Variants in ANK3 observed in about 807,000 individuals in gnomAD.
ANK3 encodes the protein ankyrin-3.
A neutral mutation model predicts 370.9 loss-of-function variants in ANK3; 57 were observed. The ratio of observed to expected loss-of-function variants is 0.15; its 90% CI spans 0.12 to 0.19. The LOEUF (loss-of-function observed/expected upper bound fraction) is 0.19. Among genes scored for constraint, ANK3 ranks in the 10% least tolerant of loss-of-function variants. The probability of loss-of-function intolerance (pLI) is 1.00; values close to 1 mark genes in which losing one functional copy is unlikely to be tolerated. For synonymous variants in ANK3, 1,929 were observed against 1,946.3 expected, an observed-to-expected ratio of 0.99 and a Z score of 0.23; for missense variants, 4,439 against 5,302.1, an observed-to-expected ratio of 0.84 and a Z score of 5.06.
At chr10:60,335,027 T>C (rs916596220) in intron 1 of ANK3, among the ~76,000 whole-genome samples, 1 of 152,156 alleles carries the variant, frequency 6.6e-6, no homozygotes, top group Admixed American at 6.6e-5. Context: ...AGGAGACACT[T>C]GACACTGGGG....
chr10:60,108,697 G>A, intron 27 of ANK3, 133 bp downstream of exon 27: 1 of 727,238 alleles, frequency 1.4e-6, no homozygotes, highest in Admixed American at 2.7e-5. Context: ...TGTGACCTTT[G>A]ACACTTTACA....
chr10:60,374,630 GA>G (rs2060526033), intron 1 of ANK3, among the ~76,000 whole-genome samples: 1 of 152,062 alleles, frequency 6.6e-6, no homozygotes, highest in Non-Finnish European at 1.5e-5. Flanking sequence ...GGAGGACCTG[GA>G]ATATCATGTT....
chr10:60,188,024 T>G (rs538097207), intron 16 of ANK3, among the ~76,000 whole-genome samples: 40 of 152,330 alleles, frequency 2.6e-4, no homozygotes, highest in Admixed American at 1.6e-3. Flanking sequence ...GGCACTCTTT[T>G]GTTTATTTAT....
At chr10:60,227,116 T>G (rs183472367) in intron 8 of ANK3, among the ~76,000 whole-genome samples, 4 of 152,062 alleles carry the variant, frequency 2.6e-5, no homozygotes, top group African/African-American at 4.8e-5. Context: ...CAGCTTTCGC[T>G]TGTATGAAAC....
intron 1 of ANK3, among the ~76,000 whole-genome samples, chr10:60,642,381 C>A (rs975339754): frequency 6.6e-6 from 1 of 151,790 alleles, no homozygotes; most frequent in African/African-American, 2.4e-5. Context: ...TGGAACCAAC[C>A]CAAATGTCCA....
rs750711683 is a variant in ANK3 at position 60,139,044 on chromosome 10, T to A, written c.2658A>T (p.Pro886=). The A allele has an allele frequency of 1.9e-6, 3 of 1,613,844 alleles. No individual in the cohort carries two copies. Among genetic ancestry groups the A allele is most frequent in the Non-Finnish European group, 2.5e-6 (3 of 1,179,814 alleles). The change falls in exon 24 of 44, where the codon CCA becomes CCT. Residue 886 remains proline (P), a synonymous_variant. Coordinates refer to ENST00000280772, the MANE Select transcript of ANK3 (RefSeq NM_020987.5). ...CATCACCCAATTCCTTAAGGTCCTG[T>A]GGCCCAAGATATTTGTCTGTGTCCC... ...MTGDTDKYLG[P]QDLKELGDDS...
intron 1 of ANK3, among the ~76,000 whole-genome samples, chr10:60,287,962 T>C (rs983611945): frequency 6.6e-6 from 1 of 152,176 alleles, no homozygotes; most frequent in African/African-American, 2.4e-5. Flanking sequence ...AACCATAATA[T>C]CCAATCCACT....
chr10:60,417,994 A>G (rs779508014), intron 2 of ANK3, among the ~76,000 whole-genome samples: 2 of 151,830 alleles, frequency 1.3e-5, no homozygotes, highest in African/African-American at 2.4e-5. Flanking sequence ...ACCACCTACT[A>G]TTTGTGAGAT....
At chr10:60,461,735 C>T (rs1017387057) in intron 2 of ANK3, among the ~76,000 whole-genome samples, 5 of 152,052 alleles carry the variant, frequency 3.3e-5, no homozygotes, top group African/African-American at 9.7e-5. Context: ...GAAATGACTC[C>T]CCTGCAAACT....
chr10:60,114,381 T>C (rs758099678), intron 25 of ANK3, 50 bp from the exon 26 acceptor site: 1 of 990,530 alleles, frequency 1.0e-6, no homozygotes, highest in Non-Finnish European at 1.6e-6. Context: ...CATACAAGAC[T>C]GATTTCTCTA....
intron 23 of ANK3, among the ~76,000 whole-genome samples, chr10:60,155,108 T>C (rs998396699): frequency 6.6e-6 from 1 of 152,034 alleles, no homozygotes; most frequent in Non-Finnish European, 1.5e-5. Context: ...ACTTCCATAA[T>C]AACAAAAAAA....
intron 43 of ANK3, among the ~76,000 whole-genome samples, chr10:60,031,867 G>A (rs2073660235): frequency 6.6e-6 from 1 of 152,058 alleles, no homozygotes; most frequent in Non-Finnish European, 1.5e-5. Context: ...ACTAATGCTT[G>A]GAGCCAAGAA....
intron 28 of ANK3, among the ~76,000 whole-genome samples, chr10:60,094,016 C>T (rs894914788): frequency 6.6e-6 from 1 of 151,860 alleles, no homozygotes; most frequent in African/African-American, 2.4e-5. Context: ...GAAGATAAGC[C>T]CCAACTCAAA....
intron 1 of ANK3, among the ~76,000 whole-genome samples, chr10:60,626,630 T>C (rs570562117): frequency 6.6e-6 from 1 of 152,298 alleles, no homozygotes; most frequent in East Asian, 1.9e-4. Context: ...AAGCCCTGGA[T>C]AGGTCTATTG....
In ANK3 at chr10:60,066,298, T is replaced by C. The variant is rs540088791; in HGVS notation, c.12319+1637A>G. 4.6e-5 allele frequency among the ~76,000 whole-genome samples: 7 copies of C among 152,260 alleles called. No homozygotes were observed. The South Asian group carries it at 1.4e-3, about 32-fold the overall frequency. ...GCTATTAAGCCACATCTCCAAAAAT[T>C]TACTCTGACTGTATTTGCTTAAGGA... On this transcript the variant is annotated intron_variant, in intron 38 of 43. Transcript: ENST00000280772.
intron 2 of ANK3, among the ~76,000 whole-genome samples, chr10:60,529,659 A>G (rs1264138810): frequency 2.0e-5 from 3 of 152,164 alleles, no homozygotes; most frequent in Non-Finnish European, 1.5e-5. Context: ...AGAAAAAAAC[A>G]TGGCTTACAA....
chr10:60,429,783 G>A (rs1014587579), intron 2 of ANK3, among the ~76,000 whole-genome samples: 1 of 152,114 alleles, frequency 6.6e-6, no homozygotes, highest in Admixed American at 6.5e-5. Context: ...GCTAATCGAT[G>A]CAAAATTTCT....
At chr10:60,725,710 T>A (rs1178059663) in intron 1 of ANK3, among the ~76,000 whole-genome samples, 2 of 152,324 alleles carry the variant, frequency 1.3e-5, no homozygotes, top group African/African-American at 4.8e-5. Flanking sequence ...GAGTACTTTT[T>A]AAAATATATA....
chr10:60,643,500 A>ATATC (rs61461746), intron 1 of ANK3, among the ~76,000 whole-genome samples: 16,421 of 146,572 alleles, frequency 0.11, 957 homozygotes, highest in African/African-American at 0.14. Context: ...ACTCCCCTTT[A>ATATC]TATCTATCTA....
Sources: gnomAD v4.1 joint callset for allele counts (sites outside exome capture counted in the v4.1 genomes callset) on GRCh38, gnomAD v4.1.1 for gene constraint, MANE v1.5 for transcripts, NCBI Gene and HGNC (gene_info 2026-07-23, HGNC 2026-07-21) for gene names.